LINGO2: variants seen among roughly 807,000 people sequenced by gnomAD.
The protein encoded by LINGO2 is leucine-rich repeat and immunoglobulin-like domain-containing nogo receptor-interacting protein 2.
In LINGO2, 14 loss-of-function variants were observed where a neutral mutation model predicts 30.6. The ratio of observed to expected loss-of-function variants is 0.46; its 90% CI spans 0.30 to 0.72. The LOEUF is 0.72. Ranked by LOEUF, LINGO2 falls within the 30% of genes least tolerant of loss-of-function variation. The pLI, the probability that LINGO2 is intolerant of heterozygous loss-of-function variation, is 0.07. For synonymous variants in LINGO2, 317 were observed against 288.5 expected (o/e 1.10, Z -1.00); for missense variants, 729 against 751.7 (o/e 0.97, Z 0.35).
chr9:28,346,652 C>A (rs546495052), intron 3 of LINGO2, among the ~76,000 whole-genome samples: 4 of 152,176 alleles, frequency 2.6e-5, no homozygotes, highest in Non-Finnish European at 4.4e-5. Flanking sequence ...TATAATCCCA[C>A]CAGCAGTGTA....
At chr9:28,366,066 C>G (rs1002604151) in intron 3 of LINGO2, among the ~76,000 whole-genome samples, 5 of 152,106 alleles carry the variant, frequency 3.3e-5, no homozygotes, top group African/African-American at 1.2e-4. Flanking sequence ...GGCTCAGACC[C>G]CTTTCTAAGT....
intron 2 of LINGO2, among the ~76,000 whole-genome samples, chr9:28,465,295 C>T (rs796490215): frequency 6.6e-5 from 10 of 152,224 alleles, no homozygotes; most frequent in African/African-American, 2.4e-4. Flanking sequence ...GGATGGAAAG[C>T]TGGCAAGGGG....
chr9:27,976,093 A>T (rs1373622817), intron 5 of LINGO2, among the ~76,000 whole-genome samples: 2 of 152,228 alleles, frequency 1.3e-5, no homozygotes, highest in African/African-American at 4.8e-5. Flanking sequence ...GTTTGCCTCA[A>T]TTTTACCTTT....
the LINGO2 span, among the ~76,000 whole-genome samples, chr9:29,098,450 C>T: frequency 1.3e-5 from 2 of 148,682 alleles, no homozygotes; most frequent in African/African-American, 4.9e-5. Flanking sequence ...ATGAGGGATA[C>T]ACACACACAC....
Position 27,959,879 on chromosome 9 carries a change from A to G in LINGO2, c.-35-9173T>C, listed in dbSNP as rs574410859. Among the ~76,000 whole-genome samples the G allele has an allele frequency of 2.6e-5, 4 of 152,300 alleles. No individual in the cohort carries two copies. The East Asian group carries it at 7.7e-4, about 29-fold the overall frequency. On this transcript the variant is annotated intron_variant, in intron 5 of 5. Transcript: ENST00000379992. The stretch of plus-strand genomic sequence containing the variant: ...CTGAGAAATGGGTATTAAAATCTCT[A>G]ACTATGAATGTGAACTTGTCTGCAT...
At chr9:27,998,597 T>C (rs958304299) in intron 5 of LINGO2, among the ~76,000 whole-genome samples, 8 of 152,086 alleles carry the variant, frequency 5.3e-5, no homozygotes, top group African/African-American at 1.9e-4. Flanking sequence ...TGGCCAACAT[T>C]GTGAAACCCC....
chr9:28,094,232 A>G (rs1462662571), intron 4 of LINGO2, among the ~76,000 whole-genome samples: 2 of 152,156 alleles, frequency 1.3e-5, no homozygotes, highest in Non-Finnish European at 2.9e-5. Context: ...TAACTTAATT[A>G]AACTATCTAG....
intron 3 of LINGO2, among the ~76,000 whole-genome samples, chr9:28,305,289 T>C (rs1824300639): frequency 6.6e-6 from 1 of 152,042 alleles, no homozygotes; most frequent in Non-Finnish European, 1.5e-5. Flanking sequence ...AAAGTCTGAA[T>C]GCTTTCTTAT....
chr9:28,737,370 C>G, the LINGO2 span, among the ~76,000 whole-genome samples: 9 of 152,242 alleles, frequency 5.9e-5, no homozygotes, highest in South Asian at 8.3e-4. Flanking sequence ...ATCAGTGGAG[C>G]CTTACTCAGA....
chr9:28,713,072 G>A, the LINGO2 span, among the ~76,000 whole-genome samples: 5 of 151,978 alleles, frequency 3.3e-5, no homozygotes, highest in Admixed American at 6.6e-5. Flanking sequence ...CACCATGCTG[G>A]TCAGGCTGGT....
intron 4 of LINGO2, among the ~76,000 whole-genome samples, chr9:28,263,490 T>C (rs1822637325): frequency 6.6e-6 from 1 of 152,000 alleles, no homozygotes. Context: ...CATCCTGGAA[T>C]TCTGCCTATC....
the LINGO2 span, among the ~76,000 whole-genome samples, chr9:28,882,275 C>A: frequency 3.5e-4 from 54 of 152,266 alleles, no homozygotes; most frequent in African/African-American, 1.2e-3. Context: ...AACAGCATTA[C>A]CTGTCTAACA....
At chr9:29,062,963 A>T in the LINGO2 span, among the ~76,000 whole-genome samples, 24 of 152,234 alleles carry the variant, frequency 1.6e-4, no homozygotes, top group African/African-American at 5.5e-4. Context: ...ATTACGTTCT[A>T]GACTTGGTTG....
the LINGO2 span, among the ~76,000 whole-genome samples, chr9:29,070,468 A>C: frequency 2.6e-5 from 4 of 152,146 alleles, no homozygotes; most frequent in African/African-American, 9.7e-5. Context: ...ATGAGAACAA[A>C]GAAGAGGAGA....
At chr9:29,045,726 C>G in the LINGO2 span, among the ~76,000 whole-genome samples, 2 of 152,180 alleles carry the variant, frequency 1.3e-5, no homozygotes, top group Non-Finnish European at 2.9e-5. Flanking sequence ...CTGTCAATTG[C>G]TTAGGGCAGT....
chr9:28,347,914 T>C (rs1236926085), intron 3 of LINGO2, among the ~76,000 whole-genome samples: 2 of 152,174 alleles, frequency 1.3e-5, no homozygotes, highest in African/African-American at 4.8e-5. Flanking sequence ...TGTTACTGCC[T>C]CTCTTGAGAT....
At chr9:28,201,212 T>C (rs1199384040) in intron 4 of LINGO2, among the ~76,000 whole-genome samples, 1 of 148,036 alleles carries the variant, frequency 6.8e-6, no homozygotes, top group Admixed American at 6.8e-5. Context: ...TATCTCCCAA[T>C]GCTATCCCTC....
chr9:27,946,798 A>T (rs1823381300), downstream of LINGO2, among the ~76,000 whole-genome samples: 1 of 152,158 alleles, frequency 6.6e-6, no homozygotes, highest in Non-Finnish European at 1.5e-5. Context: ...GAAAAGTCAA[A>T]TGAAAAATGG....
chr9:28,684,014 G>C, the LINGO2 span, among the ~76,000 whole-genome samples: 1 of 151,650 alleles, frequency 6.6e-6, no homozygotes, highest in African/African-American at 2.4e-5. Flanking sequence ...AACTTTTTTT[G>C]TGAAATTCAA....
Sources: gnomAD v4.1 joint callset for allele counts (sites outside exome capture counted in the v4.1 genomes callset) on GRCh38, gnomAD v4.1.1 for gene constraint, MANE v1.5 for transcripts, NCBI Gene and HGNC (gene_info 2026-07-23, HGNC 2026-07-21) for gene names.